Variants in ZBTB40 observed in about 807,000 individuals in gnomAD.
ZBTB40 encodes zinc finger and BTB domain-containing protein 40.
A neutral mutation model predicts 117.5 loss-of-function variants in ZBTB40; 60 were observed. That is an observed-to-expected ratio of 0.51 (90% CI 0.41 to 0.63). The LOEUF (loss-of-function observed/expected upper bound fraction) is 0.63, where lower values mean the gene tolerates loss of function less well. ZBTB40 is among the 30% of genes least tolerant of loss of function. The pLI is 0.00. For missense variants in ZBTB40, 1,287 were observed against 1,498.5 expected (o/e 0.86, Z 2.33); for synonymous variants, 525 against 577.1 (o/e 0.91, Z 1.29).
Position 22,507,438 on chromosome 1 carries a change from G to A in ZBTB40, c.1361-563G>A, listed in dbSNP as rs1335233016. Among the ~76,000 whole-genome samples, 7 of 152,204 alleles carry A rather than the reference G, an allele frequency of 4.6e-5. No individual in the cohort carries two copies. In the East Asian group the frequency reaches 9.6e-4, roughly 21 times the overall value. Reference sequence around the variant, plus strand: ...ATTTCTTAAGGTTGGATTTCCAGAAGTGGAGTTACTGAGCTAAAGAAAAGG... The same window carrying A: ...ATTTCTTAAGGTTGGATTTCCAGAAATGGAGTTACTGAGCTAAAGAAAAGG... On this transcript the variant is annotated intron_variant, in intron 6 of 17. Transcript: ENST00000375647.
At chr1:22,443,317 G>A (rs1247735021) in intron 1 of ZBTB40, among the ~76,000 whole-genome samples, 1 of 152,150 alleles carries the variant, frequency 6.6e-6, no homozygotes, top group Non-Finnish European at 1.5e-5. Flanking sequence ...ATTCATTTTA[G>A]GGAGACAGAA....
intron 1 of ZBTB40, among the ~76,000 whole-genome samples, chr1:22,435,080 A>C (rs1640652903): frequency 7.0e-6 from 1 of 142,432 alleles, no homozygotes; most frequent in Non-Finnish European, 1.5e-5. Context: ...GGCTCACTGC[A>C]ACCTCTACCT....
chr1:22,481,039 G>C (rs1411645988), intron 1 of ZBTB40, among the ~76,000 whole-genome samples: 1 of 152,154 alleles, frequency 6.6e-6, no homozygotes, highest in Non-Finnish European at 1.5e-5. Context: ...CTGTACAGGA[G>C]TTTGAAACCC....
intron 1 of ZBTB40, among the ~76,000 whole-genome samples, chr1:22,466,662 G>A (rs1460661787): frequency 6.6e-6 from 1 of 151,900 alleles, no homozygotes; most frequent in Admixed American, 6.6e-5. Flanking sequence ...ATCTGTTCAT[G>A]TACTTACTGG....
At chr1:22,463,814 GA>G (rs970947264) in intron 1 of ZBTB40, among the ~76,000 whole-genome samples, 3 of 152,212 alleles carry the variant, frequency 2.0e-5, no homozygotes, top group Admixed American at 6.5e-5. Context: ...TGAACATTTT[GA>G]TATTTTGCCT....
chr1:22,435,602 G>A (rs1311259231), intron 1 of ZBTB40, among the ~76,000 whole-genome samples: 2 of 152,118 alleles, frequency 1.3e-5, no homozygotes, highest in East Asian at 1.9e-4. Context: ...AGTGGTGAGA[G>A]TGGGCATCCA....
At chr1:22,489,760 A>G (rs1638570405) in intron 1 of ZBTB40, 120 bp from the exon 2 acceptor site, 3 of 658,146 alleles carry the variant, frequency 4.6e-6, no homozygotes, top group South Asian at 1.7e-5. Flanking sequence ...GTCCCTTCCT[A>G]TTAAGCAATA....
chr1:22,506,500 G>A (rs899498876), intron 6 of ZBTB40, among the ~76,000 whole-genome samples: 2 of 152,146 alleles, frequency 1.3e-5, no homozygotes, highest in Non-Finnish European at 2.9e-5. Flanking sequence ...CTTTCCCAGG[G>A]CTGTCCAGGA....
intron 3 of ZBTB40, among the ~76,000 whole-genome samples, chr1:22,498,443 G>A (rs142268128): frequency 6.6e-6 from 1 of 152,354 alleles, no homozygotes; most frequent in East Asian, 1.9e-4. Context: ...AACTGCTGTA[G>A]TGTTGGCACT....
chr1:22,517,452 C>T lies in ZBTB40; in HGVS notation c.2821C>T (p.His941Tyr). The change falls in exon 13 of 18, where the codon CAC becomes TAC. Residue 941 changes from histidine to tyrosine, a missense_variant. Physicochemically the swap from His to Tyr is moderately conservative, Grantham distance 83. Around this residue, in one of 2 missense-constraint regions of ZBTB40, gnomAD observed 417 missense variants for 564.1 expected, o/e 0.74. Transcript: ENST00000375647. ...RQANGLSIHL[H>Y]TFHNIEDPYD... ...AGCCAATGGCCTCTCCATCCATCTG[C>T]ACACCTTTCACAGTATGTAGAGACT... 1 of 1,613,890 alleles carries T rather than the reference C, an allele frequency of 6.2e-7. No homozygotes were observed. Among genetic ancestry groups the T allele is most frequent in the Non-Finnish European group, 8.5e-7 (1 of 1,179,992 alleles).
intron 1 of ZBTB40, among the ~76,000 whole-genome samples, chr1:22,484,673 A>G (rs929005678): frequency 2.6e-5 from 4 of 152,216 alleles, no homozygotes; most frequent in African/African-American, 9.7e-5. Flanking sequence ...GACTTCCAGT[A>G]CAGTGTTTAA....
intron 3 of ZBTB40, among the ~76,000 whole-genome samples, chr1:22,494,739 G>A (rs886085461): frequency 1.3e-5 from 2 of 152,194 alleles, no homozygotes; most frequent in African/African-American, 4.8e-5. Context: ...ACTGATATGT[G>A]CCAGACTGAG....
At chr1:22,496,979 C>T (rs114113527) in intron 3 of ZBTB40, among the ~76,000 whole-genome samples, 4 of 152,046 alleles carry the variant, frequency 2.6e-5, no homozygotes, top group South Asian at 2.1e-4. Context: ...TGCCAAAGGC[C>T]GGAGAGCCCT....
chr1:22,483,639 CTTA>C (rs1638388375), intron 1 of ZBTB40, among the ~76,000 whole-genome samples: 1 of 152,068 alleles, frequency 6.6e-6, no homozygotes, highest in Admixed American at 6.6e-5. Context: ...GGGTTGTTTT[CTTA>C]TTGTTGAGTT....
chr1:22,468,051 TG>T (rs1641300594), intron 1 of ZBTB40, among the ~76,000 whole-genome samples: 1 of 149,954 alleles, frequency 6.7e-6, no homozygotes, highest in African/African-American at 2.5e-5. Context: ...GTCGCACCAC[TG>T]TACTTCAGCC....
intron 5 of ZBTB40, among the ~76,000 whole-genome samples, chr1:22,503,660 C>T (rs1483909740): frequency 6.6e-6 from 1 of 152,158 alleles, no homozygotes; most frequent in African/African-American, 2.4e-5. Flanking sequence ...CTCAGAATTA[C>T]ATTTTGTGAT....
intron 1 of ZBTB40, among the ~76,000 whole-genome samples, chr1:22,460,545 A>G (rs932275956): frequency 1.3e-5 from 2 of 152,204 alleles, no homozygotes; most frequent in South Asian, 4.1e-4. Flanking sequence ...ACAACTAAGC[A>G]ATAGGTATTA....
At chr1:22,451,459 A>G (rs987175607), upstream of ZBTB40, among the ~76,000 whole-genome samples, 1 of 151,946 alleles carries the variant, frequency 6.6e-6, no homozygotes, top group Admixed American at 6.6e-5. Context: ...ACATGGTGAC[A>G]TCCTGTCTCT....
chr1:22,524,781 A>G (rs933555378), intron 17 of ZBTB40, among the ~76,000 whole-genome samples: 2 of 152,184 alleles, frequency 1.3e-5, no homozygotes, highest in African/African-American at 4.8e-5. Flanking sequence ...TTGGGCAGGG[A>G]CTGCCTGCAG....
Sources: gnomAD v4.1 joint callset for allele counts (sites outside exome capture counted in the v4.1 genomes callset) on GRCh38, gnomAD v4.1.1 for gene constraint, gnomAD v4.1.1 regional missense constraint, MANE v1.5 for transcripts, NCBI Gene and HGNC (gene_info 2026-07-23, HGNC 2026-07-21) for gene names.